B4GALNT3: variants seen among roughly 807,000 people sequenced by gnomAD.
B4GALNT3 encodes beta-1,4-N-acetylgalactosaminyltransferase 3.
B4GALNT3 carries 86 observed loss-of-function variants against 120.2 expected under a neutral mutation model. That is an observed-to-expected ratio of 0.72 (90% CI 0.60 to 0.86). The LOEUF is 0.86. Among genes scored for constraint, B4GALNT3 ranks in the 40% least tolerant of loss-of-function variants. The probability of loss-of-function intolerance (pLI) is 0.00; values close to 1 mark genes in which losing one functional copy is unlikely to be tolerated. For synonymous variants in B4GALNT3, 518 were observed against 510.4 expected (o/e 1.01, Z -0.20); for missense variants, 1,167 against 1,298.9 (o/e 0.90, Z 1.56).
At position 553,715 on chromosome 12, in the gene B4GALNT3, G is replaced by A; in HGVS notation, c.1792G>A (p.Gly598Ser). 6.2e-7 allele frequency: 1 copy of A among 1,614,136 alleles called. No homozygotes were observed. Among genetic ancestry groups the A allele is most frequent in the Non-Finnish European group, 8.5e-7 (1 of 1,179,968 alleles). The change falls in exon 14 of 20, where the codon GGC (glycine) becomes AGC (serine). Residue 598 changes from glycine to serine, a missense_variant. Physicochemically the swap from Gly to Ser is moderately conservative, Grantham distance 56 (BLOSUM62 0). Transcript: ENST00000266383. ...HGEEEVVAAAGQEGQVEGEEE... is the reference protein window; with the variant it reads ...HGEEEVVAAASQEGQVEGEEE... ...GGAGGAGGAAGTGGTGGCGGCCGCA[G>A]GCCAGGAAGGACAAGTGGAGGGAGA... is the stretch of plus-strand genomic sequence containing the variant.
intron 1 of B4GALNT3, among the ~76,000 whole-genome samples, chr12:530,553 G>A (rs115692893): frequency 0.013 from 1,967 of 152,286 alleles, 41 homozygotes; most frequent in African/African-American, 0.044. Context: ...ATAACAAGCT[G>A]CCATGTGTTA....
At chr12:500,821 A>T (rs534344403) in intron 1 of B4GALNT3, among the ~76,000 whole-genome samples, 1 of 141,266 alleles carries the variant, frequency 7.1e-6, no homozygotes, top group South Asian at 2.3e-4. Context: ...AAGCATTTTG[A>T]ACTCACCCCT....
intron 1 of B4GALNT3, among the ~76,000 whole-genome samples, chr12:524,060 C>G (rs900527116): frequency 6.6e-6 from 1 of 152,096 alleles, no homozygotes; most frequent in Non-Finnish European, 1.5e-5. Flanking sequence ...GACTCCATCT[C>G]AAAAACAAAA....
chr12:557,088 C>G (rs913979957), intron 15 of B4GALNT3, among the ~76,000 whole-genome samples: 1 of 152,090 alleles, frequency 6.6e-6, no homozygotes, highest in Non-Finnish European at 1.5e-5. Flanking sequence ...GGCCAGTGCT[C>G]TTTCTTTCGT....
At chr12:501,606 A>G (rs1592025710) in intron 1 of B4GALNT3, among the ~76,000 whole-genome samples, 1 of 152,280 alleles carries the variant, frequency 6.6e-6, no homozygotes, top group Middle Eastern at 3.4e-3. Context: ...AAAAAGAAAT[A>G]GGGGTCAGAG....
intron 1 of B4GALNT3, among the ~76,000 whole-genome samples, chr12:491,178 A>C (rs1398570162): frequency 6.6e-6 from 1 of 152,198 alleles, no homozygotes; most frequent in East Asian, 1.9e-4. Context: ...ATTATACATC[A>C]TGGCCATTTT....
chr12:507,675 C>T (rs982943458), intron 1 of B4GALNT3, among the ~76,000 whole-genome samples: 1 of 152,202 alleles, frequency 6.6e-6, no homozygotes, highest in Non-Finnish European at 1.5e-5. Context: ...AGCACTTTCT[C>T]ACAAAAGGGT....
rs115915600 is a variant in B4GALNT3 at position 524,874 on chromosome 12, G to A, written c.170-10292G>A. On this transcript the variant is annotated intron_variant, in intron 1 of 19. Coordinates refer to ENST00000266383, the MANE Select transcript of B4GALNT3 (RefSeq NM_173593.4). ...GACTGGCCTGCGCAAACGCACATTC[G>A]TTAGCTGTTGTGTTTGTCCTCTGTT... is the stretch of plus-strand genomic sequence containing the variant. Among the ~76,000 whole-genome samples the A allele has an allele frequency of 6.1e-3, 936 of 152,216 alleles. 8 individuals are homozygous for A. The highest frequency in any genetic ancestry group is 0.021 in the African/African-American group (878 of 41,552).
intron 3 of B4GALNT3, among the ~76,000 whole-genome samples, chr12:542,452 C>G (rs1946928696): frequency 6.6e-6 from 1 of 152,196 alleles, no homozygotes; most frequent in Non-Finnish European, 1.5e-5. Flanking sequence ...TAAGGGCAGC[C>G]CAGATTTTGC....
intron 1 of B4GALNT3, among the ~76,000 whole-genome samples, chr12:470,594 G>C (rs1946126443): frequency 6.6e-6 from 1 of 152,256 alleles, no homozygotes; most frequent in Admixed American, 6.5e-5. Context: ...GGAAAGGGCA[G>C]TGGAGATGGG....
chr12:560,214 C>A (rs372377386), intron 19 of B4GALNT3, among the ~76,000 whole-genome samples: 1 of 152,132 alleles, frequency 6.6e-6, no homozygotes. Context: ...AGGGCATAAG[C>A]GCTGTAACAG....
intron 1 of B4GALNT3, among the ~76,000 whole-genome samples, chr12:530,954 C>T (rs928105217): frequency 4.6e-5 from 7 of 152,160 alleles, no homozygotes; most frequent in Non-Finnish European, 8.8e-5. Flanking sequence ...TGTCTCCTGG[C>T]ACAAATGTGA....
intron 1 of B4GALNT3, among the ~76,000 whole-genome samples, chr12:534,521 C>T (rs1171818122): frequency 6.6e-6 from 1 of 152,200 alleles, no homozygotes; most frequent in African/African-American, 2.4e-5. Flanking sequence ...TTCCCAGGTG[C>T]GTGTAAGCCA....
At chr12:539,382 T>G (rs1946892799) in intron 3 of B4GALNT3, among the ~76,000 whole-genome samples, 1 of 152,138 alleles carries the variant, frequency 6.6e-6, no homozygotes, top group Non-Finnish European at 1.5e-5. Flanking sequence ...CCAAGATAGT[T>G]ACAAGAAAGA....
chr12:497,418 C>T (rs1946399666), intron 1 of B4GALNT3, among the ~76,000 whole-genome samples: 2 of 152,234 alleles, frequency 1.3e-5, no homozygotes, highest in South Asian at 2.1e-4. Flanking sequence ...GCTGGGATTA[C>T]AGGCGTGAGC....
At chr12:512,515 CACCTTCG>C (rs1946596097) in intron 1 of B4GALNT3, among the ~76,000 whole-genome samples, 1 of 134,458 alleles carries the variant, frequency 7.4e-6, no homozygotes, top group Non-Finnish European at 1.6e-5. Flanking sequence ...TTCTGCCTTC[CACCTTCG>C]ACCTTCTTCC....
At chr12:494,426 A>G (rs985821128) in intron 1 of B4GALNT3, among the ~76,000 whole-genome samples, 4 of 152,134 alleles carry the variant, frequency 2.6e-5, no homozygotes, top group African/African-American at 9.7e-5. Context: ...ACATTAAACT[A>G]AATTCTGCTT....
chr12:498,057 A>T (rs1051906538), intron 1 of B4GALNT3, among the ~76,000 whole-genome samples: 1 of 151,384 alleles, frequency 6.6e-6, no homozygotes, highest in African/African-American at 2.4e-5. Context: ...ACCTTCCTCT[A>T]CTTCTCCAGT....
chr12:557,632 A>T lies in B4GALNT3; in HGVS notation c.2405A>T (p.Gln802Leu). 1 of 1,611,714 alleles carries T rather than the reference A, an allele frequency of 6.2e-7. No homozygotes were observed. Reference sequence around the variant, plus strand: ...GTGAAGAACCAGGCACGCTGGGTACAGCAATTCATCAAAGACATGGAAAAC... The same window carrying T: ...GTGAAGAACCAGGCACGCTGGGTACTGCAATTCATCAAAGACATGGAAAAC... ...VPVKNQARWV[Q>L]QFIKDMENLF... The change falls in exon 16 of 20, where the codon CAG becomes CTG. Residue 802 changes from glutamine (Q) to leucine (L), a missense_variant. Gln to Leu is a moderately radical substitution (Grantham distance 113, BLOSUM62 -2). This residue lies in a region of B4GALNT3 where 983 missense variants were observed against 1,102.5 expected (regional missense o/e 0.89). Transcript: ENST00000266383.
Sources: allele counts gnomAD v4.1 joint callset (sites outside exome capture counted in the v4.1 genomes callset), GRCh38; gene constraint gnomAD v4.1.1; regional missense constraint gnomAD v4.1.1; transcripts MANE v1.5; gene names NCBI Gene and HGNC (gene_info 2026-07-23, HGNC 2026-07-21).